The following OPCML variants were observed in gnomAD, a reference collection of about 807,000 sequenced individuals.
The protein encoded by OPCML is opioid-binding protein/cell adhesion molecule.
A neutral mutation model predicts 37.8 loss-of-function variants in OPCML; 13 were observed. The observed-to-expected ratio is 0.34, with a 90% CI of 0.22 to 0.55. The LOEUF (loss-of-function observed/expected upper bound fraction) is 0.55, where lower values mean the gene tolerates loss of function less well. OPCML is among the 20% of genes least tolerant of loss of function. The probability of loss-of-function intolerance (pLI) is 0.91; values close to 1 mark genes in which losing one functional copy is unlikely to be tolerated. For missense variants in OPCML, 341 were observed against 435.6 expected, an observed-to-expected ratio of 0.78 and a Z score of 1.93; for synonymous variants, 176 against 168.8, an observed-to-expected ratio of 1.04 and a Z score of -0.33.
intron 1 of OPCML, chr11:133,005,720 T>G (rs561983629): frequency 1.0e-6 from 1 of 977,846 alleles, no homozygotes; most frequent in Non-Finnish European, 1.2e-6. Context: ...TTATCTTTTC[T>G]GTTAATTCTT....
At position 132,916,597 on chromosome 11, in the gene OPCML, G is replaced by A. The variant is rs74813068; in HGVS notation, c.146+26329C>T. ...ATGCACCATGAGGATATGAAAACTT[G>A]CACAGAGTAGTAGTACACGTAGAGC... is the stretch of plus-strand genomic sequence containing the variant. On this transcript the variant is annotated intron_variant, in intron 2 of 7. Coordinates refer to ENST00000524381, the MANE Select transcript of OPCML (RefSeq NM_001012393.5). Among the ~76,000 whole-genome samples, 1,207 of 152,302 alleles carry A rather than the reference G, an allele frequency of 7.9e-3. 15 individuals are homozygous for A. Among genetic ancestry groups the A allele is most frequent in the African/African-American group, 0.028 (1,159 of 41,558 alleles).
At chr11:133,478,322 G>A (rs1396417964) in intron 1 of OPCML, among the ~76,000 whole-genome samples, 1 of 152,160 alleles carries the variant, frequency 6.6e-6, no homozygotes, top group Non-Finnish European at 1.5e-5. Context: ...CCTTCTTCCA[G>A]TACAGAGAAG....
At chr11:132,898,004 C>A (rs1943911781) in intron 2 of OPCML, among the ~76,000 whole-genome samples, 1 of 152,152 alleles carries the variant, frequency 6.6e-6, no homozygotes, top group South Asian at 2.1e-4. Context: ...CAGTCAATCT[C>A]TTTTCCCAGT....
chr11:132,730,201 A>C (rs750598432), intron 2 of OPCML, among the ~76,000 whole-genome samples: 7 of 151,728 alleles, frequency 4.6e-5, no homozygotes, highest in Non-Finnish European at 1.0e-4. Flanking sequence ...TTTTCAGTAG[A>C]GATTTCTATG....
intron 1 of OPCML, among the ~76,000 whole-genome samples, chr11:133,061,841 T>G (rs1948347657): frequency 6.6e-6 from 1 of 151,818 alleles, no homozygotes; most frequent in Non-Finnish European, 1.5e-5. Context: ...CCATTTCGTT[T>G]GTTTTCCATC....
At chr11:133,249,441 C>G (rs1463617930) in intron 1 of OPCML, among the ~76,000 whole-genome samples, 5 of 152,174 alleles carry the variant, frequency 3.3e-5, no homozygotes, top group African/African-American at 1.2e-4. Flanking sequence ...ATGCCTCCAA[C>G]CAGGCCCCAC....
intron 1 of OPCML, among the ~76,000 whole-genome samples, chr11:133,192,852 C>T (rs1269777088): frequency 2.0e-5 from 3 of 149,596 alleles, no homozygotes; most frequent in Non-Finnish European, 3.0e-5. Context: ...TTAGTTGCTT[C>T]GTGTTTTCTT....
intron 1 of OPCML, among the ~76,000 whole-genome samples, chr11:133,136,795 G>C (rs1263859707): frequency 6.6e-6 from 1 of 150,442 alleles, no homozygotes; most frequent in Admixed American, 6.6e-5. Flanking sequence ...GGCTTTGTTA[G>C]TTAAGGAAAT....
intron 1 of OPCML, among the ~76,000 whole-genome samples, chr11:133,128,751 T>G (rs1216149928): frequency 6.6e-6 from 1 of 152,092 alleles, no homozygotes; most frequent in Non-Finnish European, 1.5e-5. Context: ...AAGCTGCATC[T>G]TTACAACGAG....
chr11:133,185,782 T>C (rs1250272936), intron 1 of OPCML, among the ~76,000 whole-genome samples: 1 of 152,196 alleles, frequency 6.6e-6, no homozygotes, highest in East Asian at 1.9e-4. Context: ...TTCCTTGCAC[T>C]CCCATTTTCC....
chr11:132,896,356 T>C (rs1474127340), intron 2 of OPCML, among the ~76,000 whole-genome samples: 2 of 152,192 alleles, frequency 1.3e-5, no homozygotes, highest in Admixed American at 6.5e-5. Flanking sequence ...CTCTTCTCTG[T>C]AGACCAGACC....
At chr11:132,731,098 G>A (rs1945061001) in intron 2 of OPCML, among the ~76,000 whole-genome samples, 1 of 152,164 alleles carries the variant, frequency 6.6e-6, no homozygotes, top group East Asian at 1.9e-4. Flanking sequence ...CTGTCCAGTG[G>A]GGTAACCACA....
intron 1 of OPCML, among the ~76,000 whole-genome samples, chr11:133,139,941 C>G (rs1333936021): frequency 1.3e-5 from 2 of 152,088 alleles, no homozygotes; most frequent in Non-Finnish European, 2.9e-5. Context: ...AATCCTAGCA[C>G]TTTGGGAGGC....
At chr11:132,506,962 T>C (rs1350688989) in intron 4 of OPCML, among the ~76,000 whole-genome samples, 1 of 152,104 alleles carries the variant, frequency 6.6e-6, no homozygotes, top group African/African-American at 2.4e-5. Context: ...ATTTCTGCTC[T>C]GTTTACAAAA....
At chr11:133,110,898 A>G (rs1949241102) in intron 1 of OPCML, among the ~76,000 whole-genome samples, 1 of 152,174 alleles carries the variant, frequency 6.6e-6, no homozygotes, top group South Asian at 2.1e-4. Context: ...CTGACTCTGA[A>G]CACTCATTAA....
Position 132,474,335 on chromosome 11 carries a change from G to A in OPCML, c.506-36976C>T, listed in dbSNP as rs138447021. Among the ~76,000 whole-genome samples the A allele has an allele frequency of 3.3e-4, 50 of 152,208 alleles. No homozygotes were observed. The East Asian group carries it at 9.5e-3, about 29-fold the overall frequency. ...AACAGAATGCTTTCTGGAATCTGTT[G>A]TCAAGGAGAGAGTAAATTAAGAGGA... On this transcript the variant is annotated intron_variant, in intron 4 of 7. Coordinates refer to ENST00000524381, the MANE Select transcript of OPCML (RefSeq NM_001012393.5).
chr11:133,117,965 G>T, intron 1 of OPCML: 1 of 983,238 alleles, frequency 1.0e-6, no homozygotes, highest in Non-Finnish European at 1.2e-6. Context: ...CCCCATCCTT[G>T]GGGAACTGCA....
At chr11:132,634,143 C>G (rs1437026258) in intron 3 of OPCML, among the ~76,000 whole-genome samples, 1 of 152,178 alleles carries the variant, frequency 6.6e-6, no homozygotes, top group Non-Finnish European at 1.5e-5. Context: ...GGACTTCCCC[C>G]TGGATCCTAC....
chr11:133,431,184 A>G (rs1484743416), intron 1 of OPCML, among the ~76,000 whole-genome samples: 1 of 152,210 alleles, frequency 6.6e-6, no homozygotes, highest in East Asian at 1.9e-4. Context: ...GTACCTTGAC[A>G]TATAATTAAA....
Sources: gnomAD v4.1 joint callset for allele counts (sites outside exome capture counted in the v4.1 genomes callset) on GRCh38, gnomAD v4.1.1 for gene constraint, MANE v1.5 for transcripts, NCBI Gene and HGNC (gene_info 2026-07-23, HGNC 2026-07-21) for gene names.